ZFPM1: variants seen among roughly 807,000 people sequenced by gnomAD.
ZFPM1 encodes zinc finger protein ZFPM1.
Under a neutral mutation model 46.3 loss-of-function variants are expected in ZFPM1, and 28 were observed. The observed-to-expected ratio is 0.60, with a 90% confidence interval of 0.45 to 0.83. ZFPM1 has a LOEUF of 0.83. Among genes scored for constraint, ZFPM1 ranks in the 40% least tolerant of loss-of-function variants. The probability of loss-of-function intolerance (pLI) is 0.00; values close to 1 mark genes in which losing one functional copy is unlikely to be tolerated. For missense variants in ZFPM1, 1,878 were observed against 1,432.4 expected (o/e 1.31, Z -5.02); for synonymous variants, 957 against 675.9 (o/e 1.42, Z -6.45).
At chr16:88,483,442 G>A (rs922042141) in intron 1 of ZFPM1, among the ~76,000 whole-genome samples, 3 of 151,984 alleles carry the variant, frequency 2.0e-5, no homozygotes, top group Non-Finnish European at 4.4e-5. Flanking sequence ...CTCTGGCCCC[G>A]CCCCAGGGCC....
Position 88,535,310 on chromosome 16 carries a change from C to T in ZFPM1, c.*331C>T, listed in dbSNP as rs144410295. The T allele has an allele frequency of 5.5e-4, 112 of 205,078 alleles. No individual in the cohort carries two copies. Among genetic ancestry groups the T allele is most frequent in the Non-Finnish European group, 9.5e-4 (97 of 101,912 alleles). The allele number at this position is 205,078 out of a possible 1,614,324, so 12.7% of individuals were successfully genotyped here. A position where few individuals can be genotyped will look rare whatever the true frequency, so the allele number is the denominator to read the frequency against. On this transcript the variant is annotated 3_prime_UTR_variant, in exon 10 of 10. Coordinates refer to ENST00000319555, the MANE Select transcript of ZFPM1 (RefSeq NM_153813.3). Reference sequence around the variant, plus strand: ...CACCACTGGGTGCTAAGAGCTAGACCGAGCGTCAGGTCGGAGGCCACAGCA... The same window carrying T: ...CACCACTGGGTGCTAAGAGCTAGACTGAGCGTCAGGTCGGAGGCCACAGCA...
intron 3 of ZFPM1, among the ~76,000 whole-genome samples, chr16:88,508,337 C>T (rs1394788801): frequency 1.3e-5 from 2 of 152,170 alleles, no homozygotes; most frequent in South Asian, 4.1e-4. Context: ...CCCCCAGCCT[C>T]GTCCCCCATG....
At position 88,533,260 on chromosome 16, in the gene ZFPM1, C is replaced by A. The variant is rs1287256736; in HGVS notation, c.1302C>A (p.Ala434=). 1.9e-5 allele frequency: 30 copies of A among 1,548,878 alleles called. No individual in the cohort carries two copies. The highest frequency in any genetic ancestry group is 2.5e-5 in the Non-Finnish European group (29 of 1,154,950). Residue 434 remains alanine (A), a synonymous_variant, in exon 10 of 10, where the codon GCC becomes GCA. Transcript: ENST00000319555. ...PSPGLDRKAL[A]EATNGEARAE... ...CAGGACTGGACAGAAAGGCCCTGGC[C>A]GAGGCCACCAACGGAGAGGCCAGAG...
chr16:88,533,505 G>A lies in ZFPM1; in HGVS notation c.1547G>A (p.Gly516Asp). The A allele has an allele frequency of 2.8e-6, 4 of 1,406,510 alleles. No homozygotes were observed. Among genetic ancestry groups the A allele is most frequent in the Non-Finnish European group, 2.8e-6 (3 of 1,085,876 alleles). The allele number at this position is 1,406,510 out of a possible 1,614,324, so 87.1% of individuals were successfully genotyped here. ...ACGCCGGGCTCCAGCCCGGTGCCCG[G>A]CGAGCTGGGCCTGGCCGGGGCCCTG... ...SPTPGSSPVP[G>D]ELGLAGALFL... The change falls in exon 10 of 10, where the codon GGC (glycine) becomes GAC (aspartate). Residue 516 changes from glycine to aspartate, a missense_variant. By Grantham distance (94) the Gly-to-Asp change is moderately conservative. Coordinates refer to ENST00000319555, the MANE Select transcript of ZFPM1 (RefSeq NM_153813.3).
chr16:88,479,810 T>G, intron 1 of ZFPM1, among the ~76,000 whole-genome samples: 1 of 122,528 alleles, frequency 8.2e-6, no homozygotes, highest in African/African-American at 3.1e-5. Flanking sequence ...TCCCATCCTC[T>G]GCCCCGACCT....
intron 1 of ZFPM1, among the ~76,000 whole-genome samples, chr16:88,470,401 C>G (rs1341719543): frequency 6.6e-6 from 1 of 152,218 alleles, no homozygotes; most frequent in African/African-American, 2.4e-5. Context: ...GAACCCCAGC[C>G]TAACGAGGGA....
chr16:88,535,881 C>T lies in ZFPM1; in HGVS notation c.*902C>T, dbSNP rs779628261. The T allele has an allele frequency of 5.5e-5, 8 of 144,978 alleles. No individual in the cohort carries two copies. The highest frequency in any genetic ancestry group is 9.9e-5 in the African/African-American group (4 of 40,302). 9.0% of individuals were successfully genotyped at this position (144,978 alleles called of 1,614,324 possible). A position where few individuals can be genotyped will look rare whatever the true frequency, so the allele number is the denominator to read the frequency against. On this transcript the variant is annotated 3_prime_UTR_variant, in exon 10 of 10. Coordinates refer to ENST00000319555, the MANE Select transcript of ZFPM1 (RefSeq NM_153813.3). Reference sequence around the variant, plus strand: ...GCGTTCAGCCACGGTGTCACCGTGCCGTTTGCAGCTGGGTGGCTGTGGGCA... The same window carrying T: ...GCGTTCAGCCACGGTGTCACCGTGCTGTTTGCAGCTGGGTGGCTGTGGGCA...
intron 2 of ZFPM1, among the ~76,000 whole-genome samples, chr16:88,487,493 G>A (rs1162909275): frequency 6.6e-6 from 1 of 152,218 alleles, no homozygotes; most frequent in East Asian, 1.9e-4. Context: ...AAGAATGCCA[G>A]GAGGCAGTGA....
intron 3 of ZFPM1, among the ~76,000 whole-genome samples, chr16:88,500,882 C>T (rs907329404): frequency 6.6e-6 from 1 of 152,244 alleles, no homozygotes; most frequent in African/African-American, 2.4e-5. Context: ...GTGCTGGGTC[C>T]CTAGACGGCA....
chr16:88,505,721 C>T (rs1243639140), intron 3 of ZFPM1, among the ~76,000 whole-genome samples: 1 of 152,184 alleles, frequency 6.6e-6, no homozygotes, highest in African/African-American at 2.4e-5. Flanking sequence ...TGTCTGCTGA[C>T]CCCACCCAGG....
In ZFPM1 at chr16:88,533,138, C is replaced by T; in HGVS notation, c.1190-10C>T. 8.2e-6 allele frequency: 12 copies of T among 1,465,948 alleles called. No individual in the cohort carries two copies. Among genetic ancestry groups the T allele is most frequent in the Non-Finnish European group, 9.9e-6 (11 of 1,111,208 alleles). 90.8% of individuals were successfully genotyped at this position (1,465,948 alleles called of 1,614,324 possible). A position where few individuals can be genotyped will look rare whatever the true frequency, so the allele number is the denominator to read the frequency against. On this transcript the variant is annotated splice_polypyrimidine_tract_variant and intron_variant, in intron 9 of 9. Transcript: ENST00000319555. ...AGGCCTGAGGTGCCACCCCTGCGAT[C>T]TCTCTGCAGACAGTCTGGGCAGCTT... is the stretch of plus-strand genomic sequence containing the variant.
At chr16:88,505,729 A>G (rs1475596381) in intron 3 of ZFPM1, among the ~76,000 whole-genome samples, 1 of 152,022 alleles carries the variant, frequency 6.6e-6, no homozygotes, top group Non-Finnish European at 1.5e-5. Flanking sequence ...GACCCCACCC[A>G]GGCCCCCTGC....
intron 3 of ZFPM1, among the ~76,000 whole-genome samples, chr16:88,511,679 C>T (rs545305761): frequency 9.8e-5 from 15 of 152,302 alleles, no homozygotes; most frequent in African/African-American, 3.6e-4. Context: ...TCTGCAGGAA[C>T]AGGGCTGGAA....
At chr16:88,516,731 T>C in intron 4 of ZFPM1, 1 of 395,600 alleles carries the variant, frequency 2.5e-6, no homozygotes, top group East Asian at 3.6e-5. Context: ...CCCCGACCCC[T>C]CCCTGAGGAG....
chr16:88,486,107 T>C, intron 2 of ZFPM1, 64 bp downstream of exon 2: 1 of 1,493,396 alleles, frequency 6.7e-7, no homozygotes, highest in South Asian at 1.2e-5. Context: ...ACCCGTACCA[T>C]GCCCTCAGAG....
At chr16:88,504,149 G>A (rs1240294176) in intron 3 of ZFPM1, among the ~76,000 whole-genome samples, 1 of 152,032 alleles carries the variant, frequency 6.6e-6, no homozygotes, top group Non-Finnish European at 1.5e-5. Context: ...AAATGAACAG[G>A]CTGAGCAGGG....
chr16:88,451,912 G>A (rs1238364410), upstream of ZFPM1, among the ~76,000 whole-genome samples: 3 of 152,142 alleles, frequency 2.0e-5, no homozygotes, highest in East Asian at 1.9e-4. Flanking sequence ...CTACCCACCC[G>A]CCACTCTCCT....
chr16:88,483,063 C>T lies in ZFPM1; in HGVS notation c.41-2876C>T, dbSNP rs1358750865. 2.6e-5 allele frequency among the ~76,000 whole-genome samples: 4 copies of T among 152,138 alleles called. No individual in the cohort carries two copies. The East Asian group carries it at 5.8e-4, about 22-fold the overall frequency. The stretch of plus-strand genomic sequence containing the variant: ...TGGCCCAGCCTGCCCTGGAGCCTGC[C>T]CGTGTGGGCGCTTTAATGGGAGGCT... On this transcript the variant is annotated intron_variant, in intron 1 of 9. Coordinates refer to ENST00000319555, the MANE Select transcript of ZFPM1 (RefSeq NM_153813.3).
chr16:88,460,512 C>T (rs867576364), intron 1 of ZFPM1, among the ~76,000 whole-genome samples: 2 of 152,296 alleles, frequency 1.3e-5, no homozygotes, highest in Middle Eastern at 3.4e-3. Context: ...TGCCCTGGTG[C>T]GAGGAAGAAA....
Sources: gnomAD v4.1 joint callset for allele counts (sites outside exome capture counted in the v4.1 genomes callset) on GRCh38, gnomAD v4.1.1 for gene constraint, MANE v1.5 for transcripts, NCBI Gene and HGNC (gene_info 2026-07-23, HGNC 2026-07-21) for gene names.